The following ARL15 variants were observed in gnomAD, a reference collection of about 807,000 sequenced individuals.
ARL15 encodes the protein ADP-ribosylation factor-like protein 15.
Under a neutral mutation model 25.2 loss-of-function variants are expected in ARL15, and 19 were observed. That is an observed-to-expected ratio of 0.75 (90% CI 0.53 to 1.10). The LOEUF (loss-of-function observed/expected upper bound fraction) is 1.10. Among genes scored for constraint, ARL15 ranks in the 50% least tolerant of loss-of-function variants. The probability of loss-of-function intolerance (pLI) is 0.00; values close to 1 mark genes in which losing one functional copy is unlikely to be tolerated. For synonymous variants in ARL15, 94 were observed against 86.8 expected (o/e 1.08, Z -0.46); for missense variants, 220 against 246.0 (o/e 0.89, Z 0.71).
intron 1 of ARL15, among the ~76,000 whole-genome samples, chr5:54,244,560 G>C (rs1021498221): frequency 3.3e-5 from 5 of 152,076 alleles, no homozygotes; most frequent in African/African-American, 1.2e-4. Context: ...CACAATAAAG[G>C]TCAAGCTAAA....
intron 4 of ARL15, among the ~76,000 whole-genome samples, chr5:54,028,593 AAT>A (rs763505694): frequency 1.3e-5 from 2 of 152,074 alleles, no homozygotes; most frequent in Non-Finnish European, 2.9e-5. Flanking sequence ...GATTTTTACC[AAT>A]ATGTCAAAAG....
chr5:53,986,177 T>C (rs1366735906), intron 4 of ARL15, among the ~76,000 whole-genome samples: 2 of 152,176 alleles, frequency 1.3e-5, no homozygotes, highest in African/African-American at 4.8e-5. Flanking sequence ...CTCAAACATA[T>C]AGTTTACCCT....
chr5:54,163,167 A>G (rs1754458431), intron 2 of ARL15, among the ~76,000 whole-genome samples: 1 of 151,918 alleles, frequency 6.6e-6, no homozygotes, highest in Non-Finnish European at 1.5e-5. Context: ...TCATAGTTTC[A>G]TCTTTTGGTT....
rs1753600111 is a variant in ARL15 at position 54,136,240 on chromosome 5, T to C, written c.253+18340A>G. ...ATGACTACTTAACTAATGGATAATG[T>C]ATATTTAATATGCGATTTTCTAATC... On this transcript the variant is annotated intron_variant, in intron 3 of 4. Transcript: ENST00000504924. 3.3e-5 allele frequency among the ~76,000 whole-genome samples: 5 copies of C among 152,228 alleles called. No homozygotes were observed. In the South Asian group the frequency reaches 1.0e-3, roughly 31 times the overall value.
At chr5:54,060,174 C>G (rs374043113) in intron 4 of ARL15, among the ~76,000 whole-genome samples, 29 of 150,774 alleles carry the variant, frequency 1.9e-4, no homozygotes, top group African/African-American at 6.4e-4. Context: ...GTGTCTCACA[C>G]CTGTAATCCC....
At chr5:53,942,702 C>T (rs1195235188) in intron 4 of ARL15, among the ~76,000 whole-genome samples, 1 of 152,080 alleles carries the variant, frequency 6.6e-6, no homozygotes, top group South Asian at 2.1e-4. Context: ...GCCGAGATCG[C>T]GCCACTGCAC....
intron 4 of ARL15, among the ~76,000 whole-genome samples, chr5:53,955,731 T>C (rs1273926218): frequency 6.6e-6 from 1 of 152,220 alleles, no homozygotes; most frequent in Non-Finnish European, 1.5e-5. Flanking sequence ...GTTTCCTGGC[T>C]CAGCAGCAGT....
In ARL15 at chr5:54,270,297, G is replaced by A. The variant is rs566946913; in HGVS notation, c.48+40135C>T. On this transcript the variant is annotated intron_variant, in intron 1 of 4. Transcript: ENST00000504924. ...GAGTTTTTCCTTTGGCTTGTGCCCTGGAGGTTTTTATTTCCAAGGCCAATG... is the reference window on the plus strand; with the variant it reads ...GAGTTTTTCCTTTGGCTTGTGCCCTAGAGGTTTTTATTTCCAAGGCCAATG... Among the ~76,000 whole-genome samples, 6 of 148,612 alleles carry A rather than the reference G, an allele frequency of 4.0e-5. No individual in the cohort carries two copies. The East Asian group carries it at 1.2e-3, about 29-fold the overall frequency.
chr5:54,159,003 C>T (rs892916123), intron 2 of ARL15, among the ~76,000 whole-genome samples: 2 of 152,126 alleles, frequency 1.3e-5, no homozygotes, highest in Admixed American at 6.5e-5. Flanking sequence ...CAATTTTGAG[C>T]CTAAATACTG....
chr5:54,227,721 C>A (rs1351664035), intron 1 of ARL15, among the ~76,000 whole-genome samples: 2 of 152,208 alleles, frequency 1.3e-5, no homozygotes, highest in Non-Finnish European at 2.9e-5. Flanking sequence ...ACTTCACTTA[C>A]AACTGAAAGA....
At chr5:53,965,822 T>C (rs1747541045) in intron 4 of ARL15, among the ~76,000 whole-genome samples, 1 of 152,078 alleles carries the variant, frequency 6.6e-6, no homozygotes, top group Non-Finnish European at 1.5e-5. Context: ...TTGGAGTAAA[T>C]GGACTGAGAT....
intron 1 of ARL15, among the ~76,000 whole-genome samples, chr5:54,216,279 C>T (rs924017059): frequency 3.3e-5 from 5 of 152,126 alleles, no homozygotes; most frequent in Non-Finnish European, 2.9e-5. Context: ...AATTGCAAAT[C>T]ATAGAGGCAG....
intron 4 of ARL15, among the ~76,000 whole-genome samples, chr5:53,996,698 G>A (rs1021135048): frequency 2.7e-5 from 4 of 150,586 alleles, no homozygotes; most frequent in Admixed American, 6.6e-5. Flanking sequence ...TATGACAAAT[G>A]TTTTTCTTTT....
In ARL15 at chr5:54,102,019, G is replaced by GTTT. The variant is rs11437215; in HGVS notation, c.462+11180_462+11182dup. ...CCAATACTATTTTATTTTTTGTTTT[G>GTTT]TTTTTTTTTTTGAGACAGAGTCTCA... On this transcript the variant is annotated intron_variant, in intron 4 of 4. Coordinates refer to ENST00000504924, the MANE Select transcript of ARL15 (RefSeq NM_019087.3). 6.2e-3 allele frequency among the ~76,000 whole-genome samples: 908 copies of GTTT among 146,638 alleles called. 7 individuals are homozygous for GTTT. Among genetic ancestry groups the GTTT allele is most frequent in the African/African-American group, 0.021 (843 of 39,930 alleles).
chr5:54,055,672 TC>T (rs377001139), intron 4 of ARL15, among the ~76,000 whole-genome samples: 258 of 152,116 alleles, frequency 1.7e-3, no homozygotes, highest in African/African-American at 6.1e-3. Flanking sequence ...ATCATTCCTT[TC>T]TATTGCCAAA....
rs554487609 is a variant in ARL15, at chr5:54,147,021, C to T, written c.253+7559G>A. Among the ~76,000 whole-genome samples, 135 of 152,264 alleles carry T rather than the reference C, an allele frequency of 8.9e-4. 1 individual carries two copies. The highest frequency in any genetic ancestry group is 1.7e-3 in the Non-Finnish European group (113 of 68,028). ...TTTCCCTTAGCAAGTGTAAAAAACA[C>T]TTAAACACCACCACCCTGGGATCCT... On this transcript the variant is annotated intron_variant, in intron 3 of 4. Transcript: ENST00000504924.
intron 4 of ARL15, among the ~76,000 whole-genome samples, chr5:53,977,281 G>T (rs1219912400): frequency 6.6e-6 from 1 of 151,366 alleles, no homozygotes. Context: ...GCGTGAACCC[G>T]GGAGGCGGAG....
intron 3 of ARL15, among the ~76,000 whole-genome samples, chr5:54,130,830 C>T (rs1753404687): frequency 6.6e-6 from 1 of 152,088 alleles, no homozygotes; most frequent in African/African-American, 2.4e-5. Context: ...TTGAAGGAAA[C>T]TTAAATGAAT....
rs752417066 is a variant in ARL15 at position 54,299,584 on chromosome 5, C to CTTTTT, written c.48+10843_48+10847dup. Among the ~76,000 whole-genome samples, 110 of 79,560 alleles carry CTTTTT rather than the reference C, an allele frequency of 1.4e-3. 1 individual carries two copies. The highest frequency in any genetic ancestry group is 2.7e-3 in the South Asian group (5 of 1,864). The allele number at this position is 79,560 out of a possible 152,430, so 52.2% of individuals were successfully genotyped here. A position where few individuals can be genotyped will look rare whatever the true frequency, so the allele number is the denominator to read the frequency against. ...TGTAACAATAAATGTTAGCTATTAGCTTTTTTTTTTTTTTTTTTTTTTTTG... is the reference window on the plus strand; with the variant it reads ...TGTAACAATAAATGTTAGCTATTAGCTTTTTTTTTTTTTTTTTTTTTTTTTTTTTG... On this transcript the variant is annotated intron_variant, in intron 1 of 4. Coordinates refer to ENST00000504924, the MANE Select transcript of ARL15 (RefSeq NM_019087.3).
Sources: gnomAD v4.1 joint callset for allele counts (sites outside exome capture counted in the v4.1 genomes callset) on GRCh38, gnomAD v4.1.1 for gene constraint, MANE v1.5 for transcripts, NCBI Gene and HGNC (gene_info 2026-07-23, HGNC 2026-07-21) for gene names.